Variants in TTBK2 observed in about 807,000 individuals in gnomAD.
The protein encoded by TTBK2 is tau tubulin kinase 2.
In TTBK2, 28 loss-of-function variants were observed where a neutral mutation model predicts 110.8. The ratio of observed to expected loss-of-function variants is 0.25; its 90% confidence interval spans 0.19 to 0.35. TTBK2 has a LOEUF of 0.35. TTBK2 is among the 10% of genes least tolerant of loss of function. TTBK2 has a pLI of 1.00. For missense variants in TTBK2, 1,369 were observed against 1,500.3 expected (o/e 0.91, Z 1.45); for synonymous variants, 532 against 527.3 (o/e 1.01, Z -0.12).
At chr15:42,874,144 A>G (rs1894717709) in intron 2 of TTBK2, among the ~76,000 whole-genome samples, 1 of 152,142 alleles carries the variant, frequency 6.6e-6, no homozygotes. Context: ...TCCATTGTCA[A>G]TGTCCTATCC....
intron 10 of TTBK2, among the ~76,000 whole-genome samples, chr15:42,786,856 T>C (rs1235715957): frequency 6.6e-6 from 1 of 152,074 alleles, no homozygotes; most frequent in Non-Finnish European, 1.5e-5. Flanking sequence ...GTATGCAATA[T>C]GGAAAGAAAT....
chr15:42,831,331 G>A (rs996333987), intron 4 of TTBK2, among the ~76,000 whole-genome samples: 2 of 152,064 alleles, frequency 1.3e-5, no homozygotes, highest in East Asian at 3.9e-4. Flanking sequence ...GACATGCTGG[G>A]ATTACAGGTG....
chr15:42,831,026 G>A (rs200212843), intron 4 of TTBK2, among the ~76,000 whole-genome samples: 7,472 of 148,112 alleles, frequency 0.05, 534 homozygotes, highest in African/African-American at 0.16. Context: ...GTATATATGT[G>A]TGTGTGTGTG....
At chr15:42,875,880 TG>T (rs1894799287) in intron 2 of TTBK2, among the ~76,000 whole-genome samples, 1 of 120,132 alleles carries the variant, frequency 8.3e-6, no homozygotes. Flanking sequence ...CACTCCAGCC[TG>T]GGCGACAGAG....
chr15:42,882,682 TTGAC>T (rs1385934022), intron 1 of TTBK2, among the ~76,000 whole-genome samples: 2 of 152,116 alleles, frequency 1.3e-5, no homozygotes, highest in Non-Finnish European at 2.9e-5. Flanking sequence ...TAACAATGAT[TTGAC>T]TGACTGCGGA....
intron 13 of TTBK2, among the ~76,000 whole-genome samples, chr15:42,759,388 C>T (rs1031817948): frequency 4.6e-5 from 7 of 152,200 alleles, no homozygotes; most frequent in Admixed American, 1.3e-4. Context: ...TGCATACCTG[C>T]GCCTTGGACC....
rs1357618099 is a variant in TTBK2 at position 42,917,761 on chromosome 15, T to C, written c.-68+2677A>G. Among the ~76,000 whole-genome samples the C allele has an allele frequency of 2.0e-5, 3 of 151,686 alleles. No homozygotes were observed. In the East Asian group the frequency reaches 5.8e-4, roughly 29 times the overall value. ...AAAATCCATAAATATTGAAGGTATA[T>C]TGCAATATTACTAATCAAACAGAAA... On this transcript the variant is annotated intron_variant, in intron 1 of 14. Coordinates refer to ENST00000267890, the MANE Select transcript of TTBK2 (RefSeq NM_173500.4).
intron 6 of TTBK2, among the ~76,000 whole-genome samples, chr15:42,825,696 C>G (rs965257330): frequency 6.6e-6 from 1 of 152,156 alleles, no homozygotes; most frequent in Non-Finnish European, 1.5e-5. Flanking sequence ...GCCTGGGCGA[C>G]AGAGCGAGAC....
At position 42,794,697 on chromosome 15, in the gene TTBK2, G is replaced by A. The variant is rs1890855461; in HGVS notation, c.927C>T (p.Thr309=). The part of the protein sequence containing the change: ...KTGNDGSLTT[T]TTSTTPQLHT... Reference sequence around the variant, plus strand: ...GCAACTGAGGGGTGGTAGAAGTAGTGGTGGTTGTTAGGGAGCCATCATTTC... The same window carrying A: ...GCAACTGAGGGGTGGTAGAAGTAGTAGTGGTTGTTAGGGAGCCATCATTTC... The change falls in exon 10 of 15, where the codon ACC becomes ACT. Residue 309 remains threonine (T), a synonymous_variant. Transcript: ENST00000267890. The A allele has an allele frequency of 6.2e-7, 1 of 1,614,000 alleles. No individual in the cohort carries two copies. Among genetic ancestry groups the A allele is most frequent in the Non-Finnish European group, 8.5e-7 (1 of 1,180,038 alleles).
intron 13 of TTBK2, among the ~76,000 whole-genome samples, chr15:42,769,920 GC>G (rs1889587506): frequency 2.0e-5 from 3 of 152,158 alleles, no homozygotes; most frequent in Admixed American, 2.0e-4. Context: ...ATACTATGCA[GC>G]CATAAAAAGG....
intron 9 of TTBK2, chr15:42,802,549 C>A (rs1344480324): frequency 1.1e-4 from 48 of 432,334 alleles, no homozygotes; most frequent in Non-Finnish European, 2.1e-5. Context: ...CTGCACCCAT[C>A]CTCTAACAAA....
At chr15:42,810,806 A>G (rs1159138486) in intron 8 of TTBK2, 67 bp from the exon 9 acceptor site, 13 of 1,584,368 alleles carry the variant, frequency 8.2e-6, no homozygotes, top group Non-Finnish European at 1.1e-5. Flanking sequence ...AGAGCCCCTC[A>G]GTAACCGTCT....
rs1889969925 is a variant in TTBK2 at position 42,777,233 on chromosome 15, C to T, written c.1207G>A (p.Glu403Lys). The T allele has an allele frequency of 1.9e-6, 3 of 1,613,990 alleles. No homozygotes were observed. Among genetic ancestry groups the T allele is most frequent in the Admixed American group, 3.3e-5 (2 of 59,988 alleles). Residue 403 changes from glutamate (E) to lysine (K), a missense_variant, in exon 12 of 15, where the codon GAA becomes AAA. Coordinates refer to ENST00000267890, the MANE Select transcript of TTBK2 (RefSeq NM_173500.4). Reference protein sequence around the residue: ...IKLGICKAATEEENSHGQANG... With the variant: ...IKLGICKAATKEENSHGQANG... ...GCCTGGCCATGGCTGTTCTCCTCTT[C>T]AGTAGCAGCCTATCCAAAATATAAA...
intron 1 of TTBK2, among the ~76,000 whole-genome samples, chr15:42,883,453 G>A (rs539124337): frequency 6.0e-5 from 9 of 151,166 alleles, no homozygotes; most frequent in South Asian, 4.2e-4. Flanking sequence ...AGGTTTCTGC[G>A]TTATTTTAGG....
rs777531164 is a variant in TTBK2, at chr15:42,777,206, T to A, written c.1234A>T (p.Asn412Tyr). ...TEEENSHGQANGLLNAPSLGS... is the reference protein window; with the variant it reads ...TEEENSHGQAYGLLNAPSLGS... ...AGGCTTGGAGCATTGAGAAGACCAT[T>A]TGCCTGGCCATGGCTGTTCTCCTCT... The change falls in exon 12 of 15, where the codon AAT becomes TAT. Residue 412 changes from asparagine to tyrosine, a missense_variant. Coordinates refer to ENST00000267890, the MANE Select transcript of TTBK2 (RefSeq NM_173500.4). 6 of 1,614,194 alleles carry A rather than the reference T, an allele frequency of 3.7e-6. No individual in the cohort carries two copies. The East Asian group carries it at 1.1e-4, about 30-fold the overall frequency.
chr15:42,798,633 A>G (rs972011638), intron 9 of TTBK2, among the ~76,000 whole-genome samples: 3 of 152,214 alleles, frequency 2.0e-5, no homozygotes, highest in Non-Finnish European at 4.4e-5. Context: ...ATTTAAATGA[A>G]CCTTTAAGAT....
At chr15:42,875,897 C>T in intron 2 of TTBK2, among the ~76,000 whole-genome samples, 1 of 127,890 alleles carries the variant, frequency 7.8e-6, no homozygotes, top group African/African-American at 3.3e-5. Context: ...CAGAGCAAGA[C>T]TCCGTCTCAA....
intron 11 of TTBK2, 29 bp from the exon 12 acceptor site, chr15:42,777,271 A>G (rs1244868259): frequency 1.2e-6 from 2 of 1,606,904 alleles, no homozygotes; most frequent in Non-Finnish European, 1.7e-6. Flanking sequence ...AAAATCATGA[A>G]AAACATTCTA....
At chr15:42,746,414 G>A (rs1288054988) in intron 14 of TTBK2, among the ~76,000 whole-genome samples, 157 bp from the exon 15 acceptor site, 1 of 152,188 alleles carries the variant, frequency 6.6e-6, no homozygotes, top group Non-Finnish European at 1.5e-5. Context: ...GTATGACCCT[G>A]GACAAATTCT....
Sources: gnomAD v4.1 joint callset for allele counts (sites outside exome capture counted in the v4.1 genomes callset) on GRCh38, gnomAD v4.1.1 for gene constraint, MANE v1.5 for transcripts, NCBI Gene and HGNC (gene_info 2026-07-23, HGNC 2026-07-21) for gene names.